MYO9A: variants seen among roughly 807,000 people sequenced by gnomAD.
The protein encoded by MYO9A is unconventional myosin-IXa.
A neutral mutation model predicts 293.3 loss-of-function variants in MYO9A; 103 were observed. The observed-to-expected ratio is 0.35, with a 90% confidence interval of 0.30 to 0.41. The LOEUF (loss-of-function observed/expected upper bound fraction) is 0.41. Ranked by LOEUF, MYO9A falls within the 10% of genes least tolerant of loss-of-function variation. MYO9A has a pLI of 1.00. For synonymous variants in MYO9A, 1,001 were observed against 1,035.7 expected (o/e 0.97, Z 0.64); for missense variants, 2,685 against 3,033.0 (o/e 0.89, Z 2.69).
At chr15:72,065,835 T>C (rs939893016) in intron 1 of MYO9A, among the ~76,000 whole-genome samples, 3 of 152,152 alleles carry the variant, frequency 2.0e-5, no homozygotes, top group Admixed American at 6.5e-5. Context: ...AATATGGATA[T>C]AAAAAATAAA....
At chr15:72,097,077 T>C (rs1367628319) in intron 1 of MYO9A, among the ~76,000 whole-genome samples, 3 of 152,206 alleles carry the variant, frequency 2.0e-5, no homozygotes. Flanking sequence ...GTATGTATAA[T>C]ATTACATCAA....
In MYO9A at chr15:71,830,275, G is replaced by A. The variant is rs139449231; in HGVS notation, c.6874C>T (p.Pro2292Ser). The A allele has an allele frequency of 4.0e-5, 65 of 1,613,770 alleles. No homozygotes were observed. The highest frequency in any genetic ancestry group is 5.0e-5 in the Non-Finnish European group (59 of 1,179,952). The change falls in exon 40 of 42, where the codon CCA becomes TCA. Residue 2292 changes from proline (P) to serine (S), a missense_variant. Coordinates refer to ENST00000356056, the MANE Select transcript of MYO9A (RefSeq NM_006901.4). ...GRIRRGNYPG[P>S]SSPVVVRLPS... ...AACCGAACTACAACAGGAGACGATG[G>A]ACCTGGATAGTTTCCTCGACGAATA...
At chr15:72,018,710 G>A (rs1343912305) in intron 6 of MYO9A, among the ~76,000 whole-genome samples, 1 of 151,766 alleles carries the variant, frequency 6.6e-6, no homozygotes, top group African/African-American at 2.4e-5. Flanking sequence ...AAAATAAAAG[G>A]GGAAAAAAAC....
At chr15:72,079,412 A>T (rs1286254484) in intron 1 of MYO9A, among the ~76,000 whole-genome samples, 1 of 152,152 alleles carries the variant, frequency 6.6e-6, no homozygotes, top group African/African-American at 2.4e-5. Context: ...TTTTATTGTA[A>T]ATTAAAACTT....
chr15:72,065,564 G>A (rs1236483815), intron 1 of MYO9A, among the ~76,000 whole-genome samples: 3 of 147,218 alleles, frequency 2.0e-5, no homozygotes, highest in East Asian at 2.0e-4. Flanking sequence ...GTGGGATCTC[G>A]AACAACAACA....
intron 19 of MYO9A, among the ~76,000 whole-genome samples, chr15:71,908,491 A>C (rs1031896151): frequency 6.6e-6 from 1 of 152,206 alleles, no homozygotes; most frequent in African/African-American, 2.4e-5. Flanking sequence ...TGGACTGTTT[A>C]GAGCATTTAC....
intron 13 of MYO9A, among the ~76,000 whole-genome samples, chr15:71,964,318 T>C (rs1389509993): frequency 2.0e-5 from 3 of 152,202 alleles, no homozygotes; most frequent in African/African-American, 7.2e-5. Flanking sequence ...TGAGTGTGAT[T>C]TCTCTTTTCC....
intron 3 of MYO9A, among the ~76,000 whole-genome samples, chr15:72,028,557 G>A (rs757836775): frequency 2.6e-5 from 4 of 151,228 alleles, no homozygotes; most frequent in East Asian, 2.0e-4. Context: ...TAAGGCAGAA[G>A]AATCACTTGA....
chr15:71,826,885 T>A lies in MYO9A; in HGVS notation c.7342A>T (p.Arg2448Ter). 1.9e-6 allele frequency: 3 copies of A among 1,614,158 alleles called. No individual in the cohort carries two copies. The highest frequency in any genetic ancestry group is 2.5e-6 in the Non-Finnish European group (3 of 1,179,998). Reference protein sequence around the residue: ...LSNTASSHGTRKLFQIYSKSP... With the variant: ...LSNTASSHGT ...TTGGAATAAATCTGAAATAGTTTTC[T>A]GGTCCCATGAGATGATGCCGTGTTA... The change falls in exon 42 of 42, where the codon AGA becomes TGA. Residue 2448 changes from arginine (R) to a stop codon, truncating the protein, a stop_gained. Transcript: ENST00000356056. LOFTEE classifies it high-confidence loss of function.
rs2143785367 is a variant in MYO9A, at chr15:71,904,023, C to T, written c.2783G>A (p.Ser928Asn). Reference sequence around the variant, plus strand: ...AAGCTGTCTAAGTACCAAGACATCACTGAACCTTAAGGGCAGCTAAAGCAA... The same window carrying T: ...AAGCTGTCTAAGTACCAAGACATCATTGAACCTTAAGGGCAGCTAAAGCAA... ...SNAEKLPLRF[S>N]DVLVLRQLRY... Residue 928 changes from serine to asparagine, a missense_variant, in exon 21 of 42, where the codon AGT becomes AAT. By Grantham distance (46) the Ser-to-Asn change is conservative (BLOSUM62 1). This residue lies in a region of MYO9A where 1,434 missense variants were observed against 1,497.7 expected (regional missense o/e 0.96). Coordinates refer to ENST00000356056, the MANE Select transcript of MYO9A (RefSeq NM_006901.4). 1.2e-6 allele frequency: 2 copies of T among 1,613,766 alleles called. No individual in the cohort carries two copies. The highest frequency in any genetic ancestry group is 1.7e-6 in the Non-Finnish European group (2 of 1,179,886).
chr15:72,068,117 C>T (rs988660301), intron 1 of MYO9A, among the ~76,000 whole-genome samples: 13 of 152,238 alleles, frequency 8.5e-5, no homozygotes, highest in Admixed American at 3.3e-4. Flanking sequence ...ACTATCAAAT[C>T]GCCCTTCGAC....
chr15:72,010,529 G>C (rs572855058), intron 6 of MYO9A, 82 bp from the exon 7 acceptor site: 1 of 1,239,504 alleles, frequency 8.1e-7, no homozygotes, highest in Non-Finnish European at 1.1e-6. Flanking sequence ...TGGTAATTTA[G>C]GATAGGTACC....
intron 14 of MYO9A, among the ~76,000 whole-genome samples, chr15:71,956,330 A>AAAATATAT (rs10642655): frequency 5.3e-5 from 4 of 75,582 alleles, no homozygotes; most frequent in South Asian, 4.9e-4. Context: ...AAAAAAAAAA[A>AAAATATAT]ATATATATAT....
At chr15:72,100,509 G>A (rs577617968) in intron 1 of MYO9A, among the ~76,000 whole-genome samples, 1 of 151,822 alleles carries the variant, frequency 6.6e-6, no homozygotes, top group East Asian at 2.0e-4. Context: ...CCATCTAGGA[G>A]GTGAGGAGCG....
intron 34 of MYO9A, among the ~76,000 whole-genome samples, chr15:71,856,641 A>C (rs1010993402): frequency 1.3e-5 from 2 of 152,234 alleles, no homozygotes; most frequent in African/African-American, 4.8e-5. Flanking sequence ...CAGTATTATC[A>C]GTATTATTTT....
rs1282164622 is a variant in MYO9A at position 71,826,753 on chromosome 15, T to G, written c.7474A>C (p.Thr2492Pro). ...EDKPQFISRG[T>P]FNPEKGKQKL... The stretch of plus-strand genomic sequence containing the variant: ...TGTTTGCCCTTTTCCGGGTTGAAGG[T>G]TCCTCTGCTGATGAACTGAGGCTTG... The change falls in exon 42 of 42, where the codon ACC becomes CCC. Residue 2492 changes from threonine to proline, a missense_variant. Thr to Pro is a conservative substitution (Grantham distance 38, BLOSUM62 -1). Coordinates refer to ENST00000356056, the MANE Select transcript of MYO9A (RefSeq NM_006901.4). 1 of 1,614,114 alleles carries G rather than the reference T, an allele frequency of 6.2e-7. No homozygotes were observed. Among genetic ancestry groups the G allele is most frequent in the Admixed American group, 1.7e-5 (1 of 60,026 alleles).
intron 26 of MYO9A, chr15:71,892,147 A>C (rs186739529): frequency 7.2e-4 from 109 of 152,348 alleles, no homozygotes; most frequent in African/African-American, 2.6e-3. Context: ...ATACTATAAT[A>C]CTTGTCAAAC....
At chr15:71,988,475 C>A (rs887215857) in intron 11 of MYO9A, among the ~76,000 whole-genome samples, 10 of 152,164 alleles carry the variant, frequency 6.6e-5, no homozygotes, top group Non-Finnish European at 4.4e-5. Context: ...CTTTCCAAAG[C>A]TCTAGGGTAG....
At chr15:72,109,117 G>A (rs1173197473) in intron 1 of MYO9A, among the ~76,000 whole-genome samples, 2 of 152,126 alleles carry the variant, frequency 1.3e-5, no homozygotes, top group Non-Finnish European at 2.9e-5. Context: ...GCCGGGCGTG[G>A]TGGCTCAGGC....
Sources: gnomAD v4.1 joint callset for allele counts (sites outside exome capture counted in the v4.1 genomes callset) on GRCh38, gnomAD v4.1.1 for gene constraint, gnomAD v4.1.1 regional missense constraint, MANE v1.5 for transcripts, NCBI Gene and HGNC (gene_info 2026-07-23, HGNC 2026-07-21) for gene names.